The following ASH2L variants were observed in gnomAD, a reference collection of about 807,000 sequenced individuals.
The protein encoded by ASH2L is ASH2 like, histone lysine methyltransferase complex subunit, also known as set1/Ash2 histone methyltransferase complex subunit ASH2.
Under a neutral mutation model 81.1 loss-of-function variants are expected in ASH2L, and 30 were observed. The ratio of observed to expected loss-of-function variants is 0.37; its 90% CI spans 0.28 to 0.50. The LOEUF (loss-of-function observed/expected upper bound fraction) is 0.50. ASH2L is among the 20% of genes least tolerant of loss of function. The pLI is 0.95. For missense variants in ASH2L, 559 were observed against 792.1 expected (o/e 0.71, Z 3.53); for synonymous variants, 273 against 279.9 (o/e 0.98, Z 0.24).
chr8:38,128,901 C>T lies in ASH2L; in HGVS notation c.1477C>T (p.Pro493Ser), dbSNP rs151290178. ...GDVLGFYINL[P>S]EDTETAKSLP... ...CGTCCTGGGATTTTATATTAATCTT[C>T]CTGAAGACACAGAGACAGCCAAGTC... Residue 493 changes from proline (P) to serine (S), a missense_variant, in exon 12 of 16, where the codon CCT becomes TCT. Around this residue, in one of 4 missense-constraint regions of ASH2L, gnomAD observed 318 missense variants for 527.0 expected, o/e 0.60. Coordinates refer to ENST00000343823, the MANE Select transcript of ASH2L (RefSeq NM_004674.5). 29 of 1,613,842 alleles carry T rather than the reference C, an allele frequency of 1.8e-5. No individual in the cohort carries two copies. Among genetic ancestry groups the T allele is most frequent in the Middle Eastern group, 1.6e-4 (1 of 6,076 alleles).
intron 10 of ASH2L, among the ~76,000 whole-genome samples, chr8:38,126,853 C>CAAAAAAAAAAA (rs57920604): frequency 0.92 from 119,546 of 129,654 alleles, 55,583 homozygotes; most frequent in Non-Finnish European, 0.98. Context: ...GACTCTGTCT[C>CAAAAAAAAAAA]AAAAAAGAAA....
intron 5 of ASH2L, among the ~76,000 whole-genome samples, chr8:38,111,288 A>G (rs1241388110): frequency 6.6e-6 from 1 of 151,884 alleles, no homozygotes; most frequent in African/African-American, 2.4e-5. Context: ...CAGTGGTGTG[A>G]TCATGGCTCA....
chr8:38,136,920 C>T (rs1420298227), intron 14 of ASH2L, among the ~76,000 whole-genome samples: 4 of 151,528 alleles, frequency 2.6e-5, no homozygotes, highest in Non-Finnish European at 5.9e-5. Flanking sequence ...GGTGAGACCT[C>T]GTTGCTACTA....
At chr8:38,126,234 A>G (rs1490309258) in intron 10 of ASH2L, among the ~76,000 whole-genome samples, 1 of 151,970 alleles carries the variant, frequency 6.6e-6, no homozygotes, top group African/African-American at 2.4e-5. Context: ...AACACCAGAC[A>G]AATGTAACTG....
At chr8:38,106,927 G>A (rs1465190842) in intron 2 of ASH2L, 94 bp from the exon 3 acceptor site, 3 of 1,478,042 alleles carry the variant, frequency 2.0e-6, no homozygotes, top group Non-Finnish European at 2.8e-6. Flanking sequence ...GACCAGCCTG[G>A]GCAACATAGG....
intron 13 of ASH2L, among the ~76,000 whole-genome samples, chr8:38,135,267 G>A (rs1224818355): frequency 1.3e-5 from 2 of 152,124 alleles, no homozygotes; most frequent in African/African-American, 4.8e-5. Flanking sequence ...GGGCAATACA[G>A]TGAGATCTGT....
chr8:38,136,596 G>A lies in ASH2L; in HGVS notation c.1719+830G>A, dbSNP rs192004938. Reference sequence around the variant, plus strand: ...TCGAGACCAGCCTGGCCAACATGGCGAAACCCCGTCTCTACTGAAGATACA... The same window carrying A: ...TCGAGACCAGCCTGGCCAACATGGCAAAACCCCGTCTCTACTGAAGATACA... On this transcript the variant is annotated intron_variant, in intron 14 of 15. Coordinates refer to ENST00000343823, the MANE Select transcript of ASH2L (RefSeq NM_004674.5). Among the ~76,000 whole-genome samples the A allele has an allele frequency of 5.9e-3, 897 of 151,746 alleles. 10 individuals are homozygous for A. Among genetic ancestry groups the A allele is most frequent in the African/African-American group, 0.021 (854 of 41,374 alleles).
At chr8:38,122,964 G>A (rs1487244574) in intron 10 of ASH2L, among the ~76,000 whole-genome samples, 2 of 151,720 alleles carry the variant, frequency 1.3e-5, no homozygotes, top group Non-Finnish European at 2.9e-5. Flanking sequence ...GCCTAGGCTG[G>A]TCTCAAACTC....
chr8:38,108,937 C>T (rs1178013487), intron 3 of ASH2L, among the ~76,000 whole-genome samples: 2 of 152,120 alleles, frequency 1.3e-5, no homozygotes, highest in Non-Finnish European at 2.9e-5. Context: ...AAAAAATTAG[C>T]TGGGCGTGGT....
intron 12 of ASH2L, among the ~76,000 whole-genome samples, chr8:38,129,993 T>C (rs544335089): frequency 2.0e-5 from 3 of 152,308 alleles, no homozygotes; most frequent in South Asian, 2.1e-4. Flanking sequence ...TTTTCCAAAC[T>C]CTTTTCCTAC....
intron 5 of ASH2L, among the ~76,000 whole-genome samples, chr8:38,112,041 C>CT (rs1757227156): frequency 1.3e-5 from 2 of 152,162 alleles, no homozygotes; most frequent in African/African-American, 4.8e-5. Flanking sequence ...GGGTTTTGCT[C>CT]TATTACCCAG....
In ASH2L at chr8:38,105,538, A is replaced by C. The variant is rs764358514; in HGVS notation, c.-13A>C. The stretch of plus-strand genomic sequence containing the variant: ...AAGAGAGTATTCTCGCGAGAAGTCC[A>C]GGGGTGGCCGTGATGGCGGCGGCAG... On this transcript the variant is annotated 5_prime_UTR_variant, in exon 1 of 16. Coordinates refer to ENST00000343823, the MANE Select transcript of ASH2L (RefSeq NM_004674.5). The C allele has an allele frequency of 7.7e-6, 12 of 1,552,046 alleles. No homozygotes were observed. In the African/African-American group the frequency reaches 1.7e-4, roughly 21 times the overall value.
At chr8:38,106,548 C>A in intron 2 of ASH2L, 104 bp downstream of exon 2, 3 of 1,020,652 alleles carry the variant, frequency 2.9e-6, no homozygotes, top group Non-Finnish European at 4.3e-6. Flanking sequence ...TGCTCTGTCG[C>A]CCAGGCTGGA....
intron 14 of ASH2L, chr8:38,137,901 C>T (rs193123089): frequency 9.2e-5 from 14 of 152,162 alleles, no homozygotes; most frequent in Admixed American, 9.2e-4. Flanking sequence ...TAAGGACCTG[C>T]CTGTAAGAAA....
chr8:38,117,982 C>G (rs752396943), intron 8 of ASH2L, among the ~76,000 whole-genome samples: 15 of 152,138 alleles, frequency 9.9e-5, no homozygotes, highest in Non-Finnish European at 1.6e-4. Flanking sequence ...TCGTTTGAAC[C>G]CAGGAGGCAG....
chr8:38,117,648 C>T (rs1810961390), intron 8 of ASH2L: 1 of 180,726 alleles, frequency 5.5e-6, no homozygotes, highest in African/African-American at 2.4e-5. Flanking sequence ...TATTTAAGAG[C>T]TTGTATGTTG....
chr8:38,133,220 A>G (rs564589134), intron 12 of ASH2L, among the ~76,000 whole-genome samples: 1 of 152,236 alleles, frequency 6.6e-6, no homozygotes, highest in African/African-American at 2.4e-5. Context: ...TGTATTATGT[A>G]TTTTCTCACG....
intron 14 of ASH2L, 90 bp from the exon 15 acceptor site, chr8:38,138,726 A>G (rs1359229163): frequency 8.9e-7 from 1 of 1,124,198 alleles, no homozygotes; most frequent in East Asian, 2.4e-5. Context: ...TTGTAGCCAC[A>G]TTTAAAGTGA....
chr8:38,114,830 G>A, intron 6 of ASH2L, 75 bp from the exon 7 acceptor site: 1 of 961,828 alleles, frequency 1.0e-6, no homozygotes. Flanking sequence ...GACTTTTAGA[G>A]TTAGTGGTTG....
Sources: gnomAD v4.1 joint callset for allele counts (sites outside exome capture counted in the v4.1 genomes callset) on GRCh38, gnomAD v4.1.1 for gene constraint, gnomAD v4.1.1 regional missense constraint, MANE v1.5 for transcripts, NCBI Gene and HGNC (gene_info 2026-07-23, HGNC 2026-07-21) for gene names.